Variants in INSL6 observed in about 807,000 individuals in gnomAD.
The protein encoded by INSL6 is insulin like 6, also known as insulin-like peptide INSL6.
A neutral mutation model predicts 9.4 loss-of-function variants in INSL6; 16 were observed. The ratio of observed to expected loss-of-function variants is 1.70; its 90% CI spans 1.15 to 2.59. INSL6 has a LOEUF of 2.59. Ranked by LOEUF, INSL6 falls within the 30% of genes most tolerant of loss-of-function variation. INSL6 has a pLI of 0.00. For synonymous variants in INSL6, 154 were observed against 96.9 expected (o/e 1.59, Z -3.46); for missense variants, 391 against 257.3 (o/e 1.52, Z -3.56).
chr9:5,078,692 G>A, the INSL6 span, among the ~76,000 whole-genome samples: 1 of 152,140 alleles, frequency 6.6e-6, no homozygotes, highest in East Asian at 1.9e-4. Flanking sequence ...TATGTATGAA[G>A]GATAGGATTT....
chr9:5,030,050 A>T, the INSL6 span: 2 of 654,114 alleles, frequency 3.1e-6, no homozygotes, highest in South Asian at 2.6e-5. Flanking sequence ...TTAAGATTCT[A>T]TTCTGTTTCT....
chr9:5,001,132 A>G, the INSL6 span, among the ~76,000 whole-genome samples: 1 of 152,174 alleles, frequency 6.6e-6, no homozygotes, highest in African/African-American at 2.4e-5. Context: ...GATAAATACA[A>G]TCATGTCTGC....
At chr9:5,032,831 G>C in the INSL6 span, among the ~76,000 whole-genome samples, 2 of 152,312 alleles carry the variant, frequency 1.3e-5, no homozygotes, top group South Asian at 2.1e-4. Context: ...CTCTAAAAAT[G>C]AGAGCACCTC....
At chr9:5,105,348 A>G in the INSL6 span, among the ~76,000 whole-genome samples, 2 of 152,228 alleles carry the variant, frequency 1.3e-5, no homozygotes, top group African/African-American at 4.8e-5. Context: ...CCAACTTACA[A>G]GAGATGCGAA....
At position 5,185,451 on chromosome 9, in the gene INSL6, C is replaced by T. The variant is rs1032405198; in HGVS notation, c.152G>A (p.Ser51Asn). The T allele has an allele frequency of 8.7e-6, 14 of 1,614,202 alleles. No homozygotes were observed. Among genetic ancestry groups the T allele is most frequent in the Non-Finnish European group, 1.2e-5 (14 of 1,180,036 alleles). Residue 51 changes from serine (S) to asparagine (N), a missense_variant, in exon 1 of 2, where the codon AGC (serine) becomes AAC (asparagine). By Grantham distance (46) the Ser-to-Asn change is conservative (BLOSUM62 1). Coordinates refer to ENST00000381641, the MANE Select transcript of INSL6 (RefSeq NM_007179.3). ...IEKLCGHANW[S>N]QFRFEEETPF... is the part of the protein sequence containing the mutation. ...GGTTTCCTCCTCGAAACGGAACTGG[C>T]TCCAGTTGGCATGGCCGCAGAGTTT...
At chr9:5,154,322 T>A (rs1314271296) in intron 2 of INSL6, among the ~76,000 whole-genome samples, 1 of 152,162 alleles carries the variant, frequency 6.6e-6, no homozygotes, top group Non-Finnish European at 1.5e-5. Flanking sequence ...AAAAATTAAT[T>A]CAAGATGGAT....
At chr9:5,142,113 C>A (rs375874247) in intron 2 of INSL6, among the ~76,000 whole-genome samples, 129 of 152,310 alleles carry the variant, frequency 8.5e-4, no homozygotes, top group African/African-American at 2.9e-3. Flanking sequence ...ATTTTGGTTA[C>A]TATGGCCCTT....
At chr9:5,041,180 C>T in the INSL6 span, 6 of 1,335,690 alleles carry the variant, frequency 4.5e-6, no homozygotes, top group Non-Finnish European at 6.3e-6. Context: ...CACCAAGAAC[C>T]TCATTTACCA....
At chr9:4,994,768 C>G in the INSL6 span, among the ~76,000 whole-genome samples, 2 of 152,172 alleles carry the variant, frequency 1.3e-5, no homozygotes, top group Non-Finnish European at 2.9e-5. Context: ...TTACTTGACT[C>G]CACATCTCTT....
At chr9:5,025,905 A>G in the INSL6 span, among the ~76,000 whole-genome samples, 35 of 151,880 alleles carry the variant, frequency 2.3e-4, no homozygotes, top group African/African-American at 8.2e-4. Flanking sequence ...AAAATTGTCC[A>G]TCTGTCTATA....
chr9:5,081,875 A>T, the INSL6 span: 4 of 1,601,158 alleles, frequency 2.5e-6, no homozygotes, highest in Admixed American at 5.1e-5. Context: ...AATTGTCAGA[A>T]TTTTTTCAAA....
the INSL6 span, among the ~76,000 whole-genome samples, chr9:5,038,016 G>A: frequency 3.3e-5 from 5 of 152,100 alleles, no homozygotes; most frequent in Non-Finnish European, 7.4e-5. Context: ...AATAATGAAC[G>A]AGATTGCTTG....
intron 3 of INSL6, among the ~76,000 whole-genome samples, chr9:5,124,944 A>C (rs893365186): frequency 4.6e-5 from 7 of 151,578 alleles, no homozygotes; most frequent in African/African-American, 1.7e-4. Context: ...TTGAATTTTT[A>C]AAAAGGGGAT....
At chr9:4,994,436 G>A in the INSL6 span, among the ~76,000 whole-genome samples, 2 of 152,202 alleles carry the variant, frequency 1.3e-5, no homozygotes, top group Non-Finnish European at 2.9e-5. Flanking sequence ...AGTGGGACTT[G>A]AGGATTTGCA....
the INSL6 span, among the ~76,000 whole-genome samples, chr9:5,014,660 C>A: frequency 6.6e-6 from 1 of 152,142 alleles, no homozygotes; most frequent in African/African-American, 2.4e-5. Context: ...AGTGTCCAAA[C>A]TTATTGACTG....
chr9:5,041,031 T>C, the INSL6 span: 2 of 671,218 alleles, frequency 3.0e-6, no homozygotes, highest in Non-Finnish European at 5.5e-6. Flanking sequence ...TGGGTACCGG[T>C]TCTACAAGCA....
the INSL6 span, among the ~76,000 whole-genome samples, chr9:4,994,148 G>A: frequency 1.1e-4 from 16 of 152,288 alleles, no homozygotes; most frequent in African/African-American, 3.1e-4. Context: ...AATAATCAGA[G>A]TGTTTGGAAT....
At chr9:5,112,162 C>G in the INSL6 span, 1 of 282,772 alleles carries the variant, frequency 3.5e-6, no homozygotes, top group Non-Finnish European at 7.1e-6. Flanking sequence ...GCACACGCTG[C>G]TACCCGGCCA....
At chr9:5,176,798 C>T (rs1050318258) in intron 1 of INSL6, among the ~76,000 whole-genome samples, 7 of 151,114 alleles carry the variant, frequency 4.6e-5, no homozygotes, top group Non-Finnish European at 1.0e-4. Context: ...CCTATAGAAT[C>T]AACAAACTAT....
Sources: allele counts gnomAD v4.1 joint callset (sites outside exome capture counted in the v4.1 genomes callset), GRCh38; gene constraint gnomAD v4.1.1; transcripts MANE v1.5; gene names NCBI Gene and HGNC (gene_info 2026-07-23, HGNC 2026-07-21).